SMAP1: variants seen among roughly 807,000 people sequenced by gnomAD.
The protein encoded by SMAP1 is stromal membrane-associated protein 1.
SMAP1 carries 24 observed loss-of-function variants against 58.5 expected under a neutral mutation model. That is an observed-to-expected ratio of 0.41 (90% CI 0.30 to 0.58). The LOEUF (loss-of-function observed/expected upper bound fraction) is 0.58, where lower values mean the gene tolerates loss of function less well. SMAP1 is among the 20% of genes least tolerant of loss of function. The pLI is 0.29. For synonymous variants in SMAP1, 216 were observed against 196.6 expected (o/e 1.10, Z -0.82); for missense variants, 563 against 566.3 (o/e 0.99, Z 0.06).
In SMAP1 at chr6:70,818,191, C is replaced by T. The variant is rs544346391; in HGVS notation, c.577-18750C>T. The stretch of plus-strand genomic sequence containing the variant: ...GGCGGATTACCTGAGGTCAGGAGTT[C>T]GAGATGAGCCTGGCCAACATAGTGA... On this transcript the variant is annotated intron_variant, in intron 6 of 10. Coordinates refer to ENST00000370455, the MANE Select transcript of SMAP1 (RefSeq NM_001044305.3). Among the ~76,000 whole-genome samples the T allele has an allele frequency of 1.6e-3, 242 of 150,128 alleles. 3 individuals are homozygous for T. In the South Asian group the frequency reaches 0.022, roughly 14 times the overall value.
intron 2 of SMAP1, among the ~76,000 whole-genome samples, chr6:70,751,207 T>G (rs1035511887): frequency 6.6e-6 from 1 of 152,170 alleles, no homozygotes; most frequent in Non-Finnish European, 1.5e-5. Flanking sequence ...GCCACTGCAC[T>G]CAAGCCTGGG....
chr6:70,785,243 C>T (rs1170260698), intron 4 of SMAP1, among the ~76,000 whole-genome samples: 4 of 152,248 alleles, frequency 2.6e-5, no homozygotes, highest in African/African-American at 9.6e-5. Flanking sequence ...TAAAGATGTT[C>T]TTTGAAACCA....
chr6:70,781,300 A>C (rs1051668356), intron 4 of SMAP1, among the ~76,000 whole-genome samples: 11 of 152,172 alleles, frequency 7.2e-5, no homozygotes, highest in African/African-American at 2.7e-4. Context: ...TACTTGGGTA[A>C]GTTTTCAATG....
chr6:70,762,906 C>T (rs571268522), intron 3 of SMAP1, among the ~76,000 whole-genome samples: 59 of 151,940 alleles, frequency 3.9e-4, no homozygotes, highest in African/African-American at 1.3e-3. Context: ...TAAGATTTCA[C>T]AGATACATGT....
chr6:70,696,645 T>C (rs1376751412), intron 1 of SMAP1, among the ~76,000 whole-genome samples: 1 of 152,098 alleles, frequency 6.6e-6, no homozygotes, highest in Non-Finnish European at 1.5e-5. Flanking sequence ...ATTTTAAGAG[T>C]TGTTTTGTGG....
chr6:70,853,950 G>C (rs1298817582), intron 8 of SMAP1, among the ~76,000 whole-genome samples: 1 of 152,174 alleles, frequency 6.6e-6, no homozygotes, highest in Non-Finnish European at 1.5e-5. Flanking sequence ...ACTGTCACTG[G>C]GGTCTGACAG....
intron 6 of SMAP1, among the ~76,000 whole-genome samples, chr6:70,827,712 C>T (rs112164241): frequency 1.3e-5 from 2 of 152,158 alleles, no homozygotes; most frequent in Non-Finnish European, 2.9e-5. Context: ...TAAATGTCTT[C>T]AAGGCTGCTC....
intron 1 of SMAP1, among the ~76,000 whole-genome samples, chr6:70,674,867 C>T (rs1408643186): frequency 1.3e-5 from 2 of 151,990 alleles, no homozygotes; most frequent in African/African-American, 4.8e-5. Context: ...CCCAGCTACT[C>T]GGGAGACTGA....
At chr6:70,836,627 A>G (rs1180304588) in intron 6 of SMAP1, among the ~76,000 whole-genome samples, 5 of 152,260 alleles carry the variant, frequency 3.3e-5, no homozygotes, top group Admixed American at 3.3e-4. Flanking sequence ...AATAGTAGCT[A>G]GGAACTAATA....
Position 70,667,893 on chromosome 6 carries a change from A to AGCTGCC in SMAP1, c.-121_-116dup, listed in dbSNP as rs1049261135. ...CCGCCGCCGCCCCTCCTCCCGTTCC[A>AGCTGCC]GCTGCCGCTGCCGCTTCCTGGGCTG... On this transcript the variant is annotated 5_prime_UTR_variant, in exon 1 of 11. Coordinates refer to ENST00000370455, the MANE Select transcript of SMAP1 (RefSeq NM_001044305.3). 6.6e-5 allele frequency: 44 copies of AGCTGCC among 668,482 alleles called. No individual in the cohort carries two copies. The highest frequency in any genetic ancestry group is 9.3e-5 in the Non-Finnish European group (40 of 428,230). 41.4% of individuals were successfully genotyped at this position (668,482 alleles called of 1,614,324 possible).
At chr6:70,762,984 A>G (rs1360466071) in intron 3 of SMAP1, among the ~76,000 whole-genome samples, 1 of 152,036 alleles carries the variant, frequency 6.6e-6, no homozygotes, top group Non-Finnish European at 1.5e-5. Context: ...TCAACTCCAG[A>G]AGATTGTATA....
intron 6 of SMAP1, among the ~76,000 whole-genome samples, chr6:70,835,542 G>A (rs1562194106): frequency 6.6e-6 from 1 of 152,066 alleles, no homozygotes; most frequent in Admixed American, 6.5e-5. Context: ...GTCTTACTCT[G>A]TTGCCCAGGC....
At chr6:70,824,805 T>C (rs933723002) in intron 6 of SMAP1, among the ~76,000 whole-genome samples, 2 of 152,228 alleles carry the variant, frequency 1.3e-5, no homozygotes, top group Admixed American at 6.5e-5. Flanking sequence ...AAAAGAACTG[T>C]CGGCTGCCCT....
intron 5 of SMAP1, among the ~76,000 whole-genome samples, chr6:70,792,896 C>T (rs981699661): frequency 2.0e-5 from 3 of 151,862 alleles, no homozygotes; most frequent in African/African-American, 2.4e-5. Context: ...TTACAGGCTC[C>T]GTGGGGAGTG....
intron 7 of SMAP1, among the ~76,000 whole-genome samples, chr6:70,841,314 G>GAGC (rs769534251): frequency 5.9e-5 from 9 of 152,326 alleles, no homozygotes; most frequent in Admixed American, 2.0e-4. Context: ...GCGCACTGCA[G>GAGC]AGCAGCCTGG....
chr6:70,700,785 A>G (rs192982844), intron 1 of SMAP1, among the ~76,000 whole-genome samples: 48 of 152,362 alleles, frequency 3.2e-4, no homozygotes, highest in Middle Eastern at 6.8e-3. Flanking sequence ...GCTACTAGCA[A>G]GTACCGGCAA....
chr6:70,770,471 C>G (rs1767231817), intron 3 of SMAP1, among the ~76,000 whole-genome samples: 1 of 152,150 alleles, frequency 6.6e-6, no homozygotes, highest in Non-Finnish European at 1.5e-5. Flanking sequence ...TTTCTCTAAA[C>G]TTCCCTTCTC....
intron 7 of SMAP1, chr6:70,837,841 C>T (rs772050639): frequency 5.5e-6 from 7 of 1,270,112 alleles, no homozygotes; most frequent in South Asian, 1.4e-5. Flanking sequence ...GAAGAGTTGA[C>T]CTTCATGTAC....
At chr6:70,680,050 A>G (rs1766637242) in intron 1 of SMAP1, among the ~76,000 whole-genome samples, 3 of 152,186 alleles carry the variant, frequency 2.0e-5, no homozygotes, top group Non-Finnish European at 4.4e-5. Flanking sequence ...TATTATGGTC[A>G]GTTTTTAACA....
Sources: allele counts gnomAD v4.1 joint callset (sites outside exome capture counted in the v4.1 genomes callset), GRCh38; gene constraint gnomAD v4.1.1; transcripts MANE v1.5; gene names NCBI Gene and HGNC (gene_info 2026-07-23, HGNC 2026-07-21).